Variants in C2orf76 observed in about 807,000 individuals in gnomAD.
C2orf76 encodes UPF0538 protein C2orf76.
C2orf76 carries 23 observed loss-of-function variants against 16.9 expected under a neutral mutation model. That is an observed-to-expected ratio of 1.36 (90% CI 0.98 to 1.93). The LOEUF is 1.93. Among genes scored for constraint, C2orf76 ranks in the 30% most tolerant of loss-of-function variants. C2orf76 has a pLI of 0.00. For synonymous variants in C2orf76, 48 were observed against 52.3 expected, an observed-to-expected ratio of 0.92 and a Z score of 0.35; for missense variants, 152 against 152.6, an observed-to-expected ratio of 1.00 and a Z score of 0.02.
downstream of C2orf76, among the ~76,000 whole-genome samples, chr2:119,301,104 C>CACACACAA (rs531243604): frequency 2.1e-5 from 3 of 141,902 alleles, no homozygotes; most frequent in South Asian, 2.1e-4. Flanking sequence ...CACACACACA[C>CACACACAA]AACTAATTTC....
At chr2:119,300,823 A>AT (rs1267413077), downstream of C2orf76, among the ~76,000 whole-genome samples, 4 of 152,228 alleles carry the variant, frequency 2.6e-5, no homozygotes, top group Non-Finnish European at 4.4e-5. Flanking sequence ...TAATGGCTGT[A>AT]TGGGTACTCA....
At chr2:119,315,820 G>GA (rs2104556177) in intron 4 of C2orf76, among the ~76,000 whole-genome samples, 1 of 152,310 alleles carries the variant, frequency 6.6e-6, no homozygotes, top group Admixed American at 6.5e-5. Flanking sequence ...CTGCCAGTGT[G>GA]AAACATATGT....
chr2:119,300,558 T>C (rs1289147286), downstream of C2orf76, among the ~76,000 whole-genome samples: 1 of 152,200 alleles, frequency 6.6e-6, no homozygotes, highest in Non-Finnish European at 1.5e-5. Context: ...TACACTCCTG[T>C]ATAGATGCTC....
chr2:119,342,224 C>A lies in C2orf76; in HGVS notation c.-12-2253G>T, dbSNP rs541478325. Among the ~76,000 whole-genome samples, 6 of 152,238 alleles carry A rather than the reference C, an allele frequency of 3.9e-5. No homozygotes were observed. In the South Asian group the frequency reaches 1.2e-3, roughly 32 times the overall value. ...ACATGGATAAATCTCAAAAATACTA[C>A]CACGAGTGGAAAAAAGCAAGTTGCA... On this transcript the variant is annotated intron_variant, in intron 1 of 5. Coordinates refer to ENST00000334816, the MANE Select transcript of C2orf76 (RefSeq NM_001322331.2).
At chr2:119,310,572 A>T (rs1678949571) in intron 5 of C2orf76, among the ~76,000 whole-genome samples, 1 of 152,222 alleles carries the variant, frequency 6.6e-6, no homozygotes. Context: ...TCAGGCTCCC[A>T]ATGTGCACCT....
chr2:119,323,189 AT>A (rs57919303), intron 2 of C2orf76, among the ~76,000 whole-genome samples: 382 of 141,478 alleles, frequency 2.7e-3, no homozygotes, highest in Middle Eastern at 0.019. Context: ...TAGTCCCGGC[AT>A]TTTTTTTTTT....
chr2:119,301,073 A>C (rs191415229), downstream of C2orf76, among the ~76,000 whole-genome samples: 1 of 106,912 alleles, frequency 9.4e-6, no homozygotes, highest in African/African-American at 5.0e-5. Flanking sequence ...GGTACTTCTT[A>C]AAAACACACA....
chr2:119,320,186 T>C (rs747070260), intron 3 of C2orf76, among the ~76,000 whole-genome samples: 2 of 152,090 alleles, frequency 1.3e-5, no homozygotes, highest in South Asian at 2.1e-4. Context: ...GCTTTGCACA[T>C]AGACATATAG....
Position 119,321,219 on chromosome 2 carries a change from T to C in C2orf76, c.134-15A>G, listed in dbSNP as rs1292035111. The C allele has an allele frequency of 9.0e-6, 12 of 1,337,342 alleles. No homozygotes were observed. The highest frequency in any genetic ancestry group is 1.2e-5 in the Non-Finnish European group (12 of 965,936). 82.8% of individuals were successfully genotyped at this position (1,337,342 alleles called of 1,614,324 possible). A position where few individuals can be genotyped will look rare whatever the true frequency, so the allele number is the denominator to read the frequency against. ...TAAAGGGATATCTACAAGAGAAAGA[T>C]TATTTTTTTACACAATAAGCAAATA... is the stretch of plus-strand genomic sequence containing the variant. On this transcript the variant is annotated splice_polypyrimidine_tract_variant and intron_variant, in intron 2 of 5. Transcript: ENST00000334816.
At chr2:119,351,032 TAA>T (rs1366057101) in intron 1 of C2orf76, among the ~76,000 whole-genome samples, 1 of 152,222 alleles carries the variant, frequency 6.6e-6, no homozygotes, top group Non-Finnish European at 1.5e-5. Context: ...TTATGGTTTA[TAA>T]AGTTGGCTGT....
chr2:119,294,839 G>A, the C2orf76 span, among the ~76,000 whole-genome samples: 3 of 152,298 alleles, frequency 2.0e-5, no homozygotes, highest in South Asian at 2.1e-4. Context: ...TGTAGAAGGC[G>A]GAGCGCGGCA....
intron 1 of C2orf76, chr2:119,366,393 T>A (rs941361251): frequency 8.5e-6 from 4 of 470,944 alleles, no homozygotes; most frequent in South Asian, 4.6e-5. Context: ...AAATGTGCAA[T>A]ACAGGCCTGA....
At chr2:119,333,548 A>G (rs1198888417) in intron 2 of C2orf76, among the ~76,000 whole-genome samples, 2 of 152,252 alleles carry the variant, frequency 1.3e-5, no homozygotes, top group Non-Finnish European at 2.9e-5. Context: ...GGAATCACCT[A>G]CATCAAGGCC....
At chr2:119,334,700 C>A (rs59134407) in intron 2 of C2orf76, among the ~76,000 whole-genome samples, 74,140 of 139,688 alleles carry the variant, frequency 0.53, 19,042 homozygotes, top group African/African-American at 0.56. Context: ...CAGAAAAAAA[C>A]AAAATATATA....
intron 4 of C2orf76, among the ~76,000 whole-genome samples, chr2:119,312,935 G>A (rs1679043584): frequency 1.3e-5 from 2 of 152,098 alleles, no homozygotes; most frequent in South Asian, 4.2e-4. Context: ...GGCTGAGGCA[G>A]GAGAATGGCA....
intron 3 of C2orf76, among the ~76,000 whole-genome samples, chr2:119,317,752 T>C (rs548234903): frequency 2.0e-5 from 3 of 152,276 alleles, no homozygotes; most frequent in African/African-American, 4.8e-5. Context: ...TCAGAACTTT[T>C]TGTCAACTCA....
the C2orf76 span, among the ~76,000 whole-genome samples, chr2:119,281,549 CAGAG>C: frequency 1.1e-4 from 17 of 151,876 alleles, no homozygotes; most frequent in Non-Finnish European, 2.4e-4. Flanking sequence ...ATGAGAATGA[CAGAG>C]AGAGAAAAAA....
At chr2:119,281,926 C>T in the C2orf76 span, among the ~76,000 whole-genome samples, 2 of 152,038 alleles carry the variant, frequency 1.3e-5, no homozygotes, top group Non-Finnish European at 2.9e-5. Context: ...CTCAACCATC[C>T]CCAGGCCCAC....
At chr2:119,306,884 G>T (rs998461398) in intron 5 of C2orf76, among the ~76,000 whole-genome samples, 2 of 152,088 alleles carry the variant, frequency 1.3e-5, no homozygotes, top group African/African-American at 4.8e-5. Context: ...CCTGAGAAAA[G>T]AAATCTTCAA....
Sources: allele counts gnomAD v4.1 joint callset (sites outside exome capture counted in the v4.1 genomes callset), GRCh38; gene constraint gnomAD v4.1.1; transcripts MANE v1.5; gene names NCBI Gene and HGNC (gene_info 2026-07-23, HGNC 2026-07-21).